Variants in SYCP1 observed in about 807,000 individuals in gnomAD.
SYCP1 encodes the protein cancer/testis antigen 8.
Under a neutral mutation model 153.1 loss-of-function variants are expected in SYCP1, and 64 were observed. The ratio of observed to expected loss-of-function variants is 0.42; its 90% CI spans 0.34 to 0.51. The LOEUF (loss-of-function observed/expected upper bound fraction) is 0.51. SYCP1 is among the 20% of genes least tolerant of loss of function. The pLI is 0.06. For synonymous variants in SYCP1, 384 were observed against 341.8 expected (o/e 1.12, Z -1.36); for missense variants, 997 against 1,049.0 (o/e 0.95, Z 0.68).
At chr1:114,985,408 C>A (rs557752756) in intron 30 of SYCP1, among the ~76,000 whole-genome samples, 1 of 151,914 alleles carries the variant, frequency 6.6e-6, no homozygotes, top group Admixed American at 6.6e-5. Context: ...TAATTACTCC[C>A]ATTCACATAT....
At chr1:114,917,242 G>A (rs1045821520) in intron 20 of SYCP1, among the ~76,000 whole-genome samples, 1 of 152,060 alleles carries the variant, frequency 6.6e-6, no homozygotes, top group Non-Finnish European at 1.5e-5. Context: ...AACATGCAAA[G>A]TTTGTCTGTC....
At chr1:114,985,403 A>G (rs1204379392) in intron 30 of SYCP1, among the ~76,000 whole-genome samples, 1 of 151,888 alleles carries the variant, frequency 6.6e-6, no homozygotes, top group Non-Finnish European at 1.5e-5. Flanking sequence ...ATCACTAATT[A>G]CTCCCATTCA....
intron 29 of SYCP1, among the ~76,000 whole-genome samples, chr1:114,982,671 A>T (rs2101954106): frequency 6.6e-6 from 1 of 151,990 alleles, no homozygotes; most frequent in South Asian, 2.1e-4. Flanking sequence ...AACATATTTA[A>T]AATAGCTGAC....
intron 8 of SYCP1, among the ~76,000 whole-genome samples, chr1:114,869,740 G>T (rs921072346): frequency 1.3e-5 from 2 of 152,126 alleles, no homozygotes; most frequent in Middle Eastern, 3.2e-3. Flanking sequence ...AATCTAAAAA[G>T]AAATCTGAAA....
chr1:114,859,745 T>G lies in SYCP1; in HGVS notation c.459T>G (p.Phe153Leu), dbSNP rs2101290596. 1 of 957,862 alleles carries G rather than the reference T, an allele frequency of 1.0e-6. No individual in the cohort carries two copies. The highest frequency in any genetic ancestry group is 1.8e-5 in the African/African-American group (1 of 56,552). The allele number at this position is 957,862 out of a possible 1,614,324, so 59.3% of individuals were successfully genotyped here. ...AQRKAIQELQFGNEKVSLKLE... is the reference protein window; with the variant it reads ...AQRKAIQELQLGNEKVSLKLE... ...AACTTTTCTGTTTTATAAATTAGTTTGGAAATGAAAAAGTAAGTTTGAAAT... is the reference window on the plus strand; with the variant it reads ...AACTTTTCTGTTTTATAAATTAGTTGGGAAATGAAAAAGTAAGTTTGAAAT... Residue 153 changes from phenylalanine to leucine, a missense_variant and splice_region_variant, in exon 7 of 32, where the codon TTT becomes TTG. By Grantham distance (22) the Phe-to-Leu change is conservative. Around this residue, in one of 2 missense-constraint regions of SYCP1, gnomAD observed 285 missense variants for 366.1 expected, o/e 0.78. Transcript: ENST00000369522.
At chr1:114,933,828 T>G (rs561089648) in intron 23 of SYCP1, among the ~76,000 whole-genome samples, 4 of 152,074 alleles carry the variant, frequency 2.6e-5, no homozygotes, top group African/African-American at 9.7e-5. Context: ...ATCAAATGAA[T>G]GAAATGAAGC....
At chr1:114,991,130 GATT>G (rs1209060095) in intron 30 of SYCP1, among the ~76,000 whole-genome samples, 2 of 151,854 alleles carry the variant, frequency 1.3e-5, no homozygotes, top group African/African-American at 2.4e-5. Flanking sequence ...TTAAAATTGT[GATT>G]ATTATTATTG....
At chr1:114,983,316 G>A (rs1673284962) in intron 29 of SYCP1, among the ~76,000 whole-genome samples, 3 of 151,872 alleles carry the variant, frequency 2.0e-5, no homozygotes, top group African/African-American at 7.2e-5. Context: ...AAGGTTTTTG[G>A]TTAGTCTTTT....
At chr1:114,948,659 T>A (rs1670904685) in intron 27 of SYCP1, among the ~76,000 whole-genome samples, 1 of 152,224 alleles carries the variant, frequency 6.6e-6, no homozygotes, top group African/African-American at 2.4e-5. Flanking sequence ...GTGCCCCCTG[T>A]TATATTGCAA....
At chr1:114,857,329 A>G (rs985757882) in intron 4 of SYCP1, 54 bp downstream of exon 4, 1 of 1,566,330 alleles carries the variant, frequency 6.4e-7, no homozygotes, top group Non-Finnish European at 8.7e-7. Context: ...TGAACTGCTT[A>G]TTTGAAGACG....
intron 20 of SYCP1, among the ~76,000 whole-genome samples, chr1:114,919,517 A>C (rs541657241): frequency 1.3e-5 from 2 of 152,058 alleles, no homozygotes; most frequent in Non-Finnish European, 2.9e-5. Context: ...CTTGCCTCAC[A>C]GAATGAGTTT....
chr1:114,965,239 AGCTTAAGGAGTT>A (rs1273749056), intron 27 of SYCP1, among the ~76,000 whole-genome samples: 1 of 152,170 alleles, frequency 6.6e-6, no homozygotes, highest in African/African-American at 2.4e-5. Context: ...GTTGCTTATC[AGCTTAAGGAGTT>A]TTTGGGCTGA....
intron 7 of SYCP1, among the ~76,000 whole-genome samples, chr1:114,860,190 T>C (rs1235002550): frequency 1.3e-5 from 2 of 152,174 alleles, no homozygotes; most frequent in East Asian, 3.8e-4. Context: ...ATTCCTGTTT[T>C]TGAAAATGTA....
chr1:114,971,566 T>C (rs1290629951), intron 27 of SYCP1, among the ~76,000 whole-genome samples: 1 of 152,190 alleles, frequency 6.6e-6, no homozygotes, highest in Non-Finnish European at 1.5e-5. Context: ...ATACTAGCTG[T>C]GAGTCTGTCA....
chr1:114,941,295 A>G (rs1165196241), intron 23 of SYCP1, among the ~76,000 whole-genome samples: 1 of 152,198 alleles, frequency 6.6e-6, no homozygotes. Flanking sequence ...GTTTATATAT[A>G]ATGGAAATTG....
intron 30 of SYCP1, among the ~76,000 whole-genome samples, chr1:114,985,419 A>G (rs1002673017): frequency 6.6e-6 from 1 of 151,974 alleles, no homozygotes; most frequent in African/African-American, 2.4e-5. Context: ...ATTCACATAT[A>G]CCACTGTTTT....
chr1:114,930,828 A>T (rs1669584534), intron 23 of SYCP1, among the ~76,000 whole-genome samples: 1 of 151,920 alleles, frequency 6.6e-6, no homozygotes, highest in African/African-American at 2.4e-5. Context: ...TTACAGGCCA[A>T]TATCCCTATG....
At chr1:114,858,373 T>A (rs912035950) in intron 5 of SYCP1, among the ~76,000 whole-genome samples, 174 bp from the exon 6 acceptor site, 1 of 152,112 alleles carries the variant, frequency 6.6e-6, no homozygotes, top group African/African-American at 2.4e-5. Context: ...ATGAAGTAGT[T>A]AATATTGCCT....
intron 8 of SYCP1, among the ~76,000 whole-genome samples, chr1:114,864,048 G>A (rs1175812063): frequency 3.3e-5 from 5 of 151,410 alleles, no homozygotes; most frequent in African/African-American, 1.2e-4. Context: ...TAGATGATGG[G>A]TTGATAGGTG....
Sources: allele counts gnomAD v4.1 joint callset (sites outside exome capture counted in the v4.1 genomes callset), GRCh38; gene constraint gnomAD v4.1.1; regional missense constraint gnomAD v4.1.1; transcripts MANE v1.5; gene names NCBI Gene and HGNC (gene_info 2026-07-23, HGNC 2026-07-21).